POLR2B: variants seen among roughly 807,000 people sequenced by gnomAD.
POLR2B encodes DNA-directed RNA polymerase II subunit RPB2.
In POLR2B, 57 loss-of-function variants were observed where a neutral mutation model predicts 144.6. That is an observed-to-expected ratio of 0.39 (90% confidence interval 0.32 to 0.49). The LOEUF is 0.49. Ranked by LOEUF, POLR2B falls within the 20% of genes least tolerant of loss-of-function variation. The pLI is 0.83. For missense variants in POLR2B, 595 were observed against 1,467.4 expected, an observed-to-expected ratio of 0.41 and a Z score of 9.71; for synonymous variants, 442 against 469.8, an observed-to-expected ratio of 0.94 and a Z score of 0.77.
In POLR2B at chr4:56,999,794, CA is replaced by C. The variant is rs776936608; in HGVS notation, c.900+17del. 3.8e-6 allele frequency: 6 copies of C among 1,559,658 alleles called. No homozygotes were observed. Among genetic ancestry groups the C allele is most frequent in the Non-Finnish European group, 5.3e-6 (6 of 1,134,052 alleles). ...GATGATGGAAATGGTAATGTGAAAG[CA>C]AAATGTATTCACAGAGCTTTATAAG... On this transcript the variant is annotated intron_variant, in intron 7 of 24. Transcript: ENST00000314595.
intron 3 of POLR2B, among the ~76,000 whole-genome samples, chr4:56,992,245 C>A (rs1052770112): frequency 6.6e-6 from 1 of 151,642 alleles, no homozygotes; most frequent in Admixed American, 6.6e-5. Flanking sequence ...GGCAGATCAC[C>A]TGAGCTCAAG....
rs759850050 is a variant in POLR2B at position 57,030,341 on chromosome 4, C to T, written c.3377C>T (p.Ala1126Val). 5.0e-6 allele frequency: 8 copies of T among 1,613,952 alleles called. No homozygotes were observed. Among genetic ancestry groups the T allele is most frequent in the South Asian group, 1.1e-5 (1 of 91,080 alleles). The change falls in exon 24 of 25, where the codon GCG becomes GTG. Residue 1126 changes from alanine (A) to valine (V), a missense_variant. Ala to Val is a moderately conservative substitution (Grantham distance 64). This residue lies in a region of POLR2B where 45 missense variants were observed against 80.9 expected (regional missense o/e 0.56). Transcript: ENST00000314595. Reference protein sequence around the residue: ...VHVCNLCGIMAIANTRTHTYE... With the variant: ...VHVCNLCGIMVIANTRTHTYE... Reference sequence around the variant, plus strand: ...GTTTGCAATCTTTGTGGAATAATGGCGATTGCCAACACCAGGACCCATACA... The same window carrying T: ...GTTTGCAATCTTTGTGGAATAATGGTGATTGCCAACACCAGGACCCATACA...
intron 2 of POLR2B, 140 bp downstream of exon 2, chr4:56,986,566 C>G: frequency 1.9e-6 from 1 of 514,480 alleles, no homozygotes; most frequent in Non-Finnish European, 3.4e-6. Context: ...TTAAGTATTT[C>G]AGATCTAAAA....
chr4:57,010,703 T>C, intron 11 of POLR2B, 45 bp from the exon 12 acceptor site: 2 of 1,512,398 alleles, frequency 1.3e-6, no homozygotes, highest in Non-Finnish European at 1.8e-6. Flanking sequence ...AGAAGTTTGA[T>C]AGGCATGTAA....
At chr4:57,022,114 A>G (rs1034404268) in intron 17 of POLR2B, 38 bp from the exon 18 acceptor site, 1 of 1,270,458 alleles carries the variant, frequency 7.9e-7, no homozygotes, top group Non-Finnish European at 1.1e-6. Flanking sequence ...TTTTGTTAAA[A>G]GAAAATAGAC....
chr4:56,998,420 C>T (rs1182514955), intron 6 of POLR2B, among the ~76,000 whole-genome samples: 1 of 152,202 alleles, frequency 6.6e-6, no homozygotes, highest in East Asian at 1.9e-4. Context: ...TGATCTCGAA[C>T]TCCCAACCTC....
At chr4:57,030,146 C>A in intron 23 of POLR2B, 58 bp from the exon 24 acceptor site, 1 of 1,346,878 alleles carries the variant, frequency 7.4e-7, no homozygotes, top group Middle Eastern at 1.8e-4. Flanking sequence ...TGCCATTATT[C>A]AAGGCGGTGT....
chr4:57,016,478 T>TTTTG (rs1491429677), intron 14 of POLR2B, among the ~76,000 whole-genome samples: 2 of 151,770 alleles, frequency 1.3e-5, no homozygotes, highest in South Asian at 2.1e-4. Flanking sequence ...GAGTAGTGAG[T>TTTTG]TTTGATTGTA....
At chr4:57,020,660 A>G (rs1473166760) in intron 16 of POLR2B, among the ~76,000 whole-genome samples, 3 of 152,188 alleles carry the variant, frequency 2.0e-5, no homozygotes, top group East Asian at 1.9e-4. Context: ...ATCACTTACT[A>G]TAAGAATGGA....
chr4:56,978,908 G>T lies in POLR2B; in HGVS notation c.-78G>T, dbSNP rs760227699. 33 of 1,382,096 alleles carry T rather than the reference G, an allele frequency of 2.4e-5. No individual in the cohort carries two copies. The highest frequency in any genetic ancestry group is 2.9e-5 in the Non-Finnish European group (28 of 968,806). 85.6% of individuals were successfully genotyped at this position (1,382,096 alleles called of 1,614,324 possible). On this transcript the variant is annotated 5_prime_UTR_variant, in exon 1 of 25. Coordinates refer to ENST00000314595, the MANE Select transcript of POLR2B (RefSeq NM_000938.3). Reference sequence around the variant, plus strand: ...GGAGACGGAAGTTACTTCGTCTTTAGCTCCTGGCGCTGCTGGCTTCTGGGC... The same window carrying T: ...GGAGACGGAAGTTACTTCGTCTTTATCTCCTGGCGCTGCTGGCTTCTGGGC...
chr4:56,987,487 C>T (rs976767245), intron 2 of POLR2B, among the ~76,000 whole-genome samples: 1 of 152,278 alleles, frequency 6.6e-6, no homozygotes, highest in Middle Eastern at 3.4e-3. Context: ...CCATCAGCTC[C>T]AAGGTGCATG....
intron 10 of POLR2B, among the ~76,000 whole-genome samples, chr4:57,009,373 T>G (rs1282603215): frequency 6.6e-6 from 1 of 152,074 alleles, no homozygotes; most frequent in Non-Finnish European, 1.5e-5. Flanking sequence ...GTAAGGAGAC[T>G]GGTAGGGGAA....
At chr4:56,990,062 G>A (rs960370031) in intron 2 of POLR2B, among the ~76,000 whole-genome samples, 5 of 152,054 alleles carry the variant, frequency 3.3e-5, no homozygotes, top group Non-Finnish European at 2.9e-5. Flanking sequence ...ATAACCTAAA[G>A]TTGGCATTCT....
chr4:57,003,039 A>G (rs902783096), intron 7 of POLR2B, among the ~76,000 whole-genome samples: 2 of 152,250 alleles, frequency 1.3e-5, no homozygotes, highest in African/African-American at 4.8e-5. Flanking sequence ...ATTATTTTAT[A>G]TAACCCTTTT....
intron 2 of POLR2B, among the ~76,000 whole-genome samples, chr4:56,989,618 G>A (rs1401417876): frequency 6.6e-6 from 1 of 152,234 alleles, no homozygotes; most frequent in African/African-American, 2.4e-5. Flanking sequence ...ATGTGAAGAT[G>A]GGGGAGTCAG....
chr4:57,027,558 G>T (rs1723764291), intron 23 of POLR2B, among the ~76,000 whole-genome samples: 1 of 152,152 alleles, frequency 6.6e-6, no homozygotes, highest in African/African-American at 2.4e-5. Flanking sequence ...CCACCTGTCT[G>T]CCTTGGCCTC....
At chr4:57,015,378 C>T (rs1020410568) in intron 13 of POLR2B, 124 bp from the exon 14 acceptor site, 5 of 452,972 alleles carry the variant, frequency 1.1e-5, no homozygotes, top group African/African-American at 2.0e-5. Flanking sequence ...CTAAGATTTG[C>T]ACATTTTACT....
At position 57,005,696 on chromosome 4, in the gene POLR2B, G is replaced by T; in HGVS notation, c.1194G>T (p.Pro398=). ...YGNKRLDLAG[P]LLAFLFRGMF... ...ACAAGAGATTGGATCTTGCTGGGCC[G>T]CTGCTTGCATTCTTATTTAGAGGGT... The change falls in exon 9 of 25, where the codon CCG becomes CCT. Residue 398 remains proline (P), a synonymous_variant. Transcript: ENST00000314595. The T allele has an allele frequency of 6.2e-7, 1 of 1,611,516 alleles. No individual in the cohort carries two copies. Among genetic ancestry groups the T allele is most frequent in the Admixed American group, 1.7e-5 (1 of 59,646 alleles).
intron 1 of POLR2B, among the ~76,000 whole-genome samples, chr4:56,982,978 C>A (rs922073432): frequency 6.6e-6 from 1 of 152,166 alleles, no homozygotes; most frequent in Non-Finnish European, 1.5e-5. Context: ...TCAAATCTGG[C>A]CACTTCTCTA....
Sources: gnomAD v4.1 joint callset for allele counts (sites outside exome capture counted in the v4.1 genomes callset) on GRCh38, gnomAD v4.1.1 for gene constraint, gnomAD v4.1.1 regional missense constraint, MANE v1.5 for transcripts, NCBI Gene and HGNC (gene_info 2026-07-23, HGNC 2026-07-21) for gene names.